NCK1: variants seen among roughly 807,000 people sequenced by gnomAD.
The protein encoded by NCK1 is NCK adaptor protein 1, also known as SH2/SH3 adapter protein NCK1.
Under a neutral mutation model 36.6 loss-of-function variants are expected in NCK1, and 19 were observed. That is an observed-to-expected ratio of 0.52 (90% CI 0.36 to 0.76). The LOEUF is 0.76. Ranked by LOEUF, NCK1 falls within the 30% of genes least tolerant of loss-of-function variation. The pLI, the probability that NCK1 is intolerant of heterozygous loss-of-function variation, is 0.00. For synonymous variants in NCK1, 165 were observed against 156.0 expected, an observed-to-expected ratio of 1.06 and a Z score of -0.43; for missense variants, 358 against 445.6, an observed-to-expected ratio of 0.80 and a Z score of 1.77.
At chr3:136,885,840 C>G (rs1199919732) in intron 1 of NCK1, among the ~76,000 whole-genome samples, 1 of 152,136 alleles carries the variant, frequency 6.6e-6, no homozygotes, top group Admixed American at 6.6e-5. Context: ...TTATAGCAAC[C>G]TTTCATAAGA....
At chr3:136,926,190 A>C (rs1348045875) in intron 1 of NCK1, among the ~76,000 whole-genome samples, 1 of 148,922 alleles carries the variant, frequency 6.7e-6, no homozygotes, top group Admixed American at 6.7e-5. Context: ...TGTTTCTTTA[A>C]CTTTTCTAAC....
At chr3:136,880,566 G>T (rs2108077296) in intron 1 of NCK1, among the ~76,000 whole-genome samples, 1 of 152,282 alleles carries the variant, frequency 6.6e-6, no homozygotes, top group Admixed American at 6.5e-5. Flanking sequence ...CAGTGAGAAT[G>T]TGTTTCCTTG....
At chr3:136,916,713 G>A (rs1055531353) in intron 1 of NCK1, among the ~76,000 whole-genome samples, 2 of 152,162 alleles carry the variant, frequency 1.3e-5, no homozygotes, top group African/African-American at 4.8e-5. Context: ...ATCAGAATGA[G>A]GGTTTAGTGT....
intron 2 of NCK1, among the ~76,000 whole-genome samples, chr3:136,945,167 C>T (rs1940777686): frequency 6.6e-6 from 1 of 152,094 alleles, no homozygotes. Context: ...TATTTTTATA[C>T]AGCTCATTGT....
At chr3:136,887,763 T>C (rs1189758956) in intron 1 of NCK1, among the ~76,000 whole-genome samples, 1 of 152,184 alleles carries the variant, frequency 6.6e-6, no homozygotes, top group Non-Finnish European at 1.5e-5. Flanking sequence ...TTTACCTATT[T>C]TGTTAAATCC....
chr3:136,943,323 A>G (rs1940725198), intron 2 of NCK1, among the ~76,000 whole-genome samples: 1 of 152,196 alleles, frequency 6.6e-6, no homozygotes, highest in African/African-American at 2.4e-5. Context: ...ACCGGAAGTA[A>G]GAAAATTAGG....
chr3:136,915,921 T>A (rs1021016923), intron 1 of NCK1, among the ~76,000 whole-genome samples: 1 of 152,100 alleles, frequency 6.6e-6, no homozygotes, highest in Admixed American at 6.6e-5. Flanking sequence ...AGACAGGGTT[T>A]CACCACGTTG....
chr3:136,913,422 C>T (rs1193669889), intron 1 of NCK1, among the ~76,000 whole-genome samples: 1 of 152,074 alleles, frequency 6.6e-6, no homozygotes, highest in Non-Finnish European at 1.5e-5. Flanking sequence ...GTGTGCACCA[C>T]TATGCCTGCC....
chr3:136,872,081 G>C (rs557693081), intron 1 of NCK1, among the ~76,000 whole-genome samples: 5 of 152,340 alleles, frequency 3.3e-5, no homozygotes, highest in Admixed American at 2.0e-4. Context: ...CGAAAATGTG[G>C]AAGCAACTTT....
At chr3:136,934,818 C>T (rs1241019514) in intron 2 of NCK1, among the ~76,000 whole-genome samples, 1 of 152,100 alleles carries the variant, frequency 6.6e-6, no homozygotes, top group Non-Finnish European at 1.5e-5. Context: ...TATTTTATTA[C>T]TAAAGAGTAG....
rs568946678 is a variant in NCK1, at chr3:136,945,701, T to C, written c.345T>C (p.Phe115=). Residue 115 remains phenylalanine, a synonymous_variant, in exon 3 of 4, where the codon TTT becomes TTC. Coordinates refer to ENST00000481752, the MANE Select transcript of NCK1 (RefSeq NM_001291999.2). ...YDLNMPAYVK[F]NYMAEREDEL... Reference sequence around the variant, plus strand: ...TCAACATGCCCGCTTATGTGAAATTTAACTACATGGCTGAGAGAGAGGATG... The same window carrying C: ...TCAACATGCCCGCTTATGTGAAATTCAACTACATGGCTGAGAGAGAGGATG... 3.5e-5 allele frequency: 57 copies of C among 1,614,158 alleles called. No individual in the cohort carries two copies. In the South Asian group the frequency reaches 6.0e-4, roughly 17 times the overall value.
At position 136,948,306 on chromosome 3, in the gene NCK1, T is replaced by C; in HGVS notation, c.987T>C (p.His329=). Residue 329 remains histidine (H), a synonymous_variant, in exon 4 of 4, where the codon CAT becomes CAC. Transcript: ENST00000481752. ...TAAAAGCACAAGGGAAAAACAAGCATTTTAAAGTCCAACTAAAAGAGACTG... is the reference window on the plus strand; with the variant it reads ...TAAAAGCACAAGGGAAAAACAAGCACTTTAAAGTCCAACTAAAAGAGACTG... ...VSLKAQGKNK[H]FKVQLKETVY... 6.2e-7 allele frequency: 1 copy of C among 1,608,336 alleles called. No individual in the cohort carries two copies. The highest frequency in any genetic ancestry group is 1.7e-5 in the Admixed American group (1 of 59,438).
At chr3:136,894,092 T>G (rs1005889110) in intron 1 of NCK1, among the ~76,000 whole-genome samples, 2 of 152,148 alleles carry the variant, frequency 1.3e-5, no homozygotes, top group African/African-American at 2.4e-5. Context: ...ATAATCAGGG[T>G]CATTTATCAC....
intron 1 of NCK1, among the ~76,000 whole-genome samples, chr3:136,893,196 A>ACACACACACACCATATTTTCTTTACC (rs1560038452): frequency 5.3e-5 from 1 of 18,982 alleles, no homozygotes; most frequent in African/African-American, 1.6e-4. Context: ...ATATATACAC[A>ACACACACACACCATATTTTCTTTACC]CATGTGCAAG....
At chr3:136,919,966 G>A (rs1023525226) in intron 1 of NCK1, among the ~76,000 whole-genome samples, 4 of 152,130 alleles carry the variant, frequency 2.6e-5, no homozygotes, top group Non-Finnish European at 4.4e-5. Flanking sequence ...GACTAAGTCC[G>A]GAAGTTTGGT....
chr3:136,942,601 G>A (rs1184703736), intron 2 of NCK1, among the ~76,000 whole-genome samples: 1 of 152,190 alleles, frequency 6.6e-6, no homozygotes, highest in East Asian at 1.9e-4. Flanking sequence ...TTTGCTTACT[G>A]TTTGCTCAAA....
At position 136,929,140 on chromosome 3, in the gene NCK1, C is replaced by T. The variant is rs568871677; in HGVS notation, c.226+913C>T. On this transcript the variant is annotated intron_variant, in intron 2 of 3. Coordinates refer to ENST00000481752, the MANE Select transcript of NCK1 (RefSeq NM_001291999.2). Reference sequence around the variant, plus strand: ...TAGAGATGGAGTCTTGCTCTGTTGTCCAGGCCAAACTTGAACTCCTGGGCT... The same window carrying T: ...TAGAGATGGAGTCTTGCTCTGTTGTTCAGGCCAAACTTGAACTCCTGGGCT... 2.2e-4 allele frequency among the ~76,000 whole-genome samples: 34 copies of T among 152,004 alleles called. No individual in the cohort carries two copies. The South Asian group carries it at 6.2e-3, about 28-fold the overall frequency.
At chr3:136,901,679 T>G (rs1360702045) in intron 1 of NCK1, among the ~76,000 whole-genome samples, 1 of 152,206 alleles carries the variant, frequency 6.6e-6, no homozygotes, top group Non-Finnish European at 1.5e-5. Flanking sequence ...TATCGTTGTT[T>G]GTAATAGTTT....
chr3:136,872,069 C>T (rs899933762), intron 1 of NCK1, among the ~76,000 whole-genome samples: 9 of 152,076 alleles, frequency 5.9e-5, no homozygotes, highest in African/African-American at 1.2e-4. Context: ...TGAAAAGATA[C>T]CCGAAAATGT....
Sources: allele counts gnomAD v4.1 joint callset (sites outside exome capture counted in the v4.1 genomes callset), GRCh38; gene constraint gnomAD v4.1.1; transcripts MANE v1.5; gene names NCBI Gene and HGNC (gene_info 2026-07-23, HGNC 2026-07-21).